ATP9A: variants seen among roughly 807,000 people sequenced by gnomAD.
The protein encoded by ATP9A is ATPase phospholipid transporting 9A, also known as probable phospholipid-transporting ATPase IIA.
A neutral mutation model predicts 144.1 loss-of-function variants in ATP9A; 52 were observed. That is an observed-to-expected ratio of 0.36 (90% CI 0.29 to 0.45). ATP9A has a LOEUF of 0.45. Among genes scored for constraint, ATP9A ranks in the 20% least tolerant of loss-of-function variants. The probability of loss-of-function intolerance (pLI) is 1.00; values close to 1 mark genes in which losing one functional copy is unlikely to be tolerated. For synonymous variants in ATP9A, 582 were observed against 557.4 expected, an observed-to-expected ratio of 1.04 and a Z score of -0.62; for missense variants, 947 against 1,392.7, an observed-to-expected ratio of 0.68 and a Z score of 5.09.
At position 51,695,753 on chromosome 20, in the gene ATP9A, C is replaced by T. The variant is rs117194289; in HGVS notation, c.547+340G>A. On this transcript the variant is annotated intron_variant, in intron 6 of 27. Coordinates refer to ENST00000338821, the MANE Select transcript of ATP9A (RefSeq NM_006045.3). ...TATCAGCTTAGAAGAGAAAGGATTT[C>T]TGTTTACTTCTACATGGTAGAGACA... is the stretch of plus-strand genomic sequence containing the variant. Among the ~76,000 whole-genome samples, 374 of 152,326 alleles carry T rather than the reference C, an allele frequency of 2.5e-3. 13 individuals carry two copies. In the East Asian group the frequency reaches 0.069, roughly 28 times the overall value.
chr20:51,650,849 G>A (rs991869814), intron 14 of ATP9A, among the ~76,000 whole-genome samples: 1 of 151,864 alleles, frequency 6.6e-6, no homozygotes, highest in Non-Finnish European at 1.5e-5. Flanking sequence ...ACACACATGT[G>A]CATCCATGTG....
chr20:51,606,961 T>G (rs892746808), intron 26 of ATP9A, among the ~76,000 whole-genome samples: 4 of 150,400 alleles, frequency 2.7e-5, no homozygotes, highest in African/African-American at 9.7e-5. Flanking sequence ...CTACAAAACA[T>G]ACATAAAAAT....
chr20:51,639,228 G>T, intron 15 of ATP9A, 115 bp downstream of exon 15: 1 of 1,155,550 alleles, frequency 8.7e-7, no homozygotes. Flanking sequence ...TCCCTTGTTA[G>T]TCTGGGTGAC....
chr20:51,668,243 C>A (rs149712776), intron 13 of ATP9A, among the ~76,000 whole-genome samples: 3,195 of 148,398 alleles, frequency 0.022, 53 homozygotes, highest in Non-Finnish European at 0.034. Flanking sequence ...GGAGAAGGGG[C>A]AGTGGCTGTC....
intron 11 of ATP9A, 139 bp from the exon 12 acceptor site, chr20:51,671,396 G>T: frequency 1.1e-6 from 1 of 932,654 alleles, no homozygotes; most frequent in Non-Finnish European, 1.6e-6. Flanking sequence ...AGAGCTGAAC[G>T]CACAGACTCA....
At chr20:51,698,603 G>A (rs1456191805) in intron 4 of ATP9A, among the ~76,000 whole-genome samples, 2 of 152,202 alleles carry the variant, frequency 1.3e-5, no homozygotes, top group Non-Finnish European at 2.9e-5. Flanking sequence ...TCCAGTGGAG[G>A]GGAGGAGGCA....
chr20:51,627,670 G>A lies in ATP9A; in HGVS notation c.1775C>T (p.Ala592Val). The change falls in exon 17 of 28, where the codon GCC becomes GTC. Residue 592 changes from alanine (A) to valine (V), a missense_variant. This residue lies in a region of ATP9A where 770 missense variants were observed against 1,047.9 expected (regional missense o/e 0.73). Coordinates refer to ENST00000338821, the MANE Select transcript of ATP9A (RefSeq NM_006045.3). ...DWLEEECGNM[A>V]REGLRVLVVA... ...CACGAGCACCCGCAGCCCTTCTCGG[G>A]CCATGTTGCCACACTGAAAAATAGA... 4 of 1,614,146 alleles carry A rather than the reference G, an allele frequency of 2.5e-6. No individual in the cohort carries two copies. The highest frequency in any genetic ancestry group is 3.4e-6 in the Non-Finnish European group (4 of 1,180,004).
rs1555833843 is a variant in ATP9A at position 51,658,889 on chromosome 20, G to GGT, written c.1294-1740_1294-1739insAC. On this transcript the variant is annotated intron_variant, in intron 13 of 27. Coordinates refer to ENST00000338821, the MANE Select transcript of ATP9A (RefSeq NM_006045.3). ...TATAATGAAAATTAAGACCACTGGC[G>GGT]GGGGGGGGGGGGGGAAGGCTCATTG... 5.6e-3 allele frequency among the ~76,000 whole-genome samples: 172 copies of GGT among 30,808 alleles called. 14 individuals carry two copies. Among genetic ancestry groups the GGT allele is most frequent in the African/African-American group, 0.011 (90 of 7,972 alleles). The allele number at this position is 30,808 out of a possible 152,430, so 20.2% of individuals were successfully genotyped here.
chr20:51,649,067 A>T (rs1215305817), intron 14 of ATP9A, among the ~76,000 whole-genome samples: 1 of 152,112 alleles, frequency 6.6e-6, no homozygotes, highest in Non-Finnish European at 1.5e-5. Flanking sequence ...AAAAGAGGGA[A>T]GGGACCAAAG....
intron 9 of ATP9A, among the ~76,000 whole-genome samples, chr20:51,677,246 T>C (rs1318749275): frequency 6.6e-6 from 1 of 152,082 alleles, no homozygotes; most frequent in Admixed American, 6.6e-5. Flanking sequence ...ACAGCCACAC[T>C]ATGAGAACAT....
chr20:51,693,453 G>A (rs747929660), intron 7 of ATP9A, among the ~76,000 whole-genome samples: 4 of 152,210 alleles, frequency 2.6e-5, no homozygotes, highest in Non-Finnish European at 5.9e-5. Flanking sequence ...AGGAGCTGAA[G>A]ACGACAGCAA....
At position 51,611,231 on chromosome 20, in the gene ATP9A, T is replaced by G. The variant is rs549763434; in HGVS notation, c.2572-1066A>C. On this transcript the variant is annotated intron_variant, in intron 23 of 27. Coordinates refer to ENST00000338821, the MANE Select transcript of ATP9A (RefSeq NM_006045.3). This position sits in a 1 kb window ranked among gnomAD's most constrained non-coding sequence, Gnocchi z 4.2. ...AGAGAGAAAGCATGTAAGAAACACGTGCTTTCTCGGCACAGAGCTCAGAGC... is the reference window on the plus strand; with the variant it reads ...AGAGAGAAAGCATGTAAGAAACACGGGCTTTCTCGGCACAGAGCTCAGAGC... 6.6e-6 allele frequency among the ~76,000 whole-genome samples: 1 copy of G among 152,320 alleles called. No individual in the cohort carries two copies. Among genetic ancestry groups the G allele is most frequent in the East Asian group, 1.9e-4 (1 of 5,188 alleles).
At chr20:51,617,701 G>T in intron 21 of ATP9A, 147 bp from the exon 22 acceptor site, 2 of 895,652 alleles carry the variant, frequency 2.2e-6, no homozygotes, top group Non-Finnish European at 1.7e-6. Context: ...CCAACCCCTT[G>T]ACTACCAAGA....
At chr20:51,603,058 C>T (rs763605252) in intron 27 of ATP9A, among the ~76,000 whole-genome samples, 3 of 131,692 alleles carry the variant, frequency 2.3e-5, no homozygotes, top group Admixed American at 7.4e-5. Context: ...GAGGATGGGG[C>T]GTGAGGGGGT....
At chr20:51,613,585 G>A (rs1241327345) in intron 23 of ATP9A, 92 bp downstream of exon 23, 1 of 1,288,890 alleles carries the variant, frequency 7.8e-7, no homozygotes, top group African/African-American at 1.5e-5. Flanking sequence ...TAATTACATA[G>A]CCACATGTAC....
At chr20:51,632,921 G>A (rs914833019) in intron 15 of ATP9A, among the ~76,000 whole-genome samples, 1 of 152,022 alleles carries the variant, frequency 6.6e-6, no homozygotes, top group Non-Finnish European at 1.5e-5. Context: ...TCAGGAGTTC[G>A]AGACCAGCCT....
intron 15 of ATP9A, among the ~76,000 whole-genome samples, chr20:51,638,071 T>A (rs2038220): frequency 0.18 from 6,196 of 33,788 alleles, 1,031 homozygotes; most frequent in East Asian, 0.53. Flanking sequence ...TTTCATCATT[T>A]TATATATATA....
At chr20:51,663,861 A>C (rs1365169208) in intron 13 of ATP9A, among the ~76,000 whole-genome samples, 1 of 152,164 alleles carries the variant, frequency 6.6e-6, no homozygotes, top group Non-Finnish European at 1.5e-5. Flanking sequence ...GGATGCAGAA[A>C]GTAAGAAGAA....
chr20:51,734,801 G>A, intron 1 of ATP9A: 1 of 216,332 alleles, frequency 4.6e-6, no homozygotes, highest in South Asian at 7.9e-5. Flanking sequence ...CCAAGGCCCT[G>A]AGTGCACACG....
Sources: gnomAD v4.1 joint callset for allele counts (sites outside exome capture counted in the v4.1 genomes callset) on GRCh38, gnomAD v4.1.1 for gene constraint, gnomAD v4.1.1 regional missense constraint, Gnocchi (gnomAD v3.1) non-coding constraint, MANE v1.5 for transcripts, NCBI Gene and HGNC (gene_info 2026-07-23, HGNC 2026-07-21) for gene names.